Variants in VXN observed in about 807,000 individuals in gnomAD.
VXN encodes vexin.
VXN carries 7 observed loss-of-function variants against 23.1 expected under a neutral mutation model. That is an observed-to-expected ratio of 0.30 (90% CI 0.17 to 0.57). The LOEUF is 0.57. Ranked by LOEUF, VXN falls within the 20% of genes least tolerant of loss-of-function variation. VXN has a pLI of 0.91. For synonymous variants in VXN, 120 were observed against 105.8 expected, an observed-to-expected ratio of 1.13 and a Z score of -0.83; for missense variants, 238 against 272.6, an observed-to-expected ratio of 0.87 and a Z score of 0.89.
intron 2 of VXN, among the ~76,000 whole-genome samples, chr8:66,500,612 T>C (rs1373581347): frequency 1.3e-5 from 2 of 152,222 alleles, no homozygotes; most frequent in African/African-American, 4.8e-5. Context: ...TTTGGGCTTC[T>C]AATGATAGCA....
chr8:66,513,753 C>A (rs750101651), intron 5 of VXN, 116 bp downstream of exon 5: 5 of 715,680 alleles, frequency 7.0e-6, no homozygotes, highest in Non-Finnish European at 1.2e-5. Context: ...CAACACAAAC[C>A]CATGCCAGCT....
intron 4 of VXN, among the ~76,000 whole-genome samples, chr8:66,512,887 G>A (rs945617937): frequency 3.9e-5 from 6 of 152,212 alleles, no homozygotes; most frequent in African/African-American, 1.2e-4. Flanking sequence ...GCCGAGCTGC[G>A]TAGATAGAGG....
chr8:66,495,982 TTTTG>T (rs1410311683), intron 1 of VXN, among the ~76,000 whole-genome samples: 2 of 152,202 alleles, frequency 1.3e-5, no homozygotes, highest in Non-Finnish European at 2.9e-5. Context: ...TTTTTTGTCC[TTTTG>T]TTTGTTTGTT....
chr8:66,510,161 A>G lies in VXN; in HGVS notation c.342+4A>G. On this transcript the variant is annotated splice_donor_region_variant and intron_variant, in intron 4 of 5. Coordinates refer to ENST00000305454, the MANE Select transcript of VXN (RefSeq NM_152765.4). The stretch of plus-strand genomic sequence containing the variant: ...TCGAGCATATGGAAAATCTCTGGTA[A>G]GTAAAATAAGCCTGCTTAGTTGTAT... 1 of 1,610,120 alleles carries G rather than the reference A, an allele frequency of 6.2e-7. No individual in the cohort carries two copies. The highest frequency in any genetic ancestry group is 8.5e-7 in the Non-Finnish European group (1 of 1,177,648).
Position 66,516,159 on chromosome 8 carries a change from C to A in VXN, c.*83C>A, listed in dbSNP as rs949990958. The A allele has an allele frequency of 1.3e-5, 17 of 1,271,304 alleles. No individual in the cohort carries two copies. The highest frequency in any genetic ancestry group is 3.0e-5 in the South Asian group (2 of 66,052). 78.8% of individuals were successfully genotyped at this position (1,271,304 alleles called of 1,614,324 possible). ...CCTTCAGGATTGAAACTGAGCCACA[C>A]GCACCTCTGCTAGTAGCTGGTCCAA... On this transcript the variant is annotated 3_prime_UTR_variant, in exon 6 of 6. Coordinates refer to ENST00000305454, the MANE Select transcript of VXN (RefSeq NM_152765.4).
chr8:66,495,125 A>G (rs1467364819), intron 1 of VXN: 1 of 152,238 alleles, frequency 6.6e-6, no homozygotes, highest in Non-Finnish European at 1.5e-5. Context: ...AGAAAGATAC[A>G]GATAAAATTA....
intron 4 of VXN, among the ~76,000 whole-genome samples, chr8:66,513,019 G>A (rs1047169436): frequency 1.3e-5 from 2 of 152,206 alleles, no homozygotes; most frequent in Non-Finnish European, 2.9e-5. Context: ...GGAATGTGGT[G>A]GATCTGGTCG....
chr8:66,509,614 T>G (rs1365248310), intron 3 of VXN, among the ~76,000 whole-genome samples: 1 of 152,194 alleles, frequency 6.6e-6, no homozygotes, highest in African/African-American at 2.4e-5. Flanking sequence ...TAATCTCTTG[T>G]GATCTGAGGC....
intron 3 of VXN, among the ~76,000 whole-genome samples, chr8:66,508,287 C>T (rs1807781905): frequency 6.6e-6 from 1 of 152,134 alleles, no homozygotes; most frequent in Admixed American, 6.5e-5. Context: ...ACCCTGGCTC[C>T]CACTCCCTTC....
chr8:66,502,788 C>A (rs1309686657), intron 2 of VXN, among the ~76,000 whole-genome samples: 1 of 151,396 alleles, frequency 6.6e-6, no homozygotes, highest in African/African-American at 2.4e-5. Flanking sequence ...AAAAGAAATG[C>A]ACAGAGCAAC....
intron 3 of VXN, among the ~76,000 whole-genome samples, chr8:66,508,507 C>T (rs886092978): frequency 6.6e-6 from 1 of 152,198 alleles, no homozygotes; most frequent in Non-Finnish European, 1.5e-5. Flanking sequence ...CGTTCTATCA[C>T]GTAGAACAGC....
intron 2 of VXN, among the ~76,000 whole-genome samples, chr8:66,504,899 AGGTCTTC>A (rs960943250): frequency 6.6e-6 from 1 of 152,226 alleles, no homozygotes; most frequent in Non-Finnish European, 1.5e-5. Context: ...CCCTCTCCCT[AGGTCTTC>A]GCTCTGCTAG....
chr8:66,516,937 C>T lies in VXN; in HGVS notation c.*861C>T, dbSNP rs1302304863. The T allele has an allele frequency of 6.6e-6, 1 of 152,170 alleles. No individual in the cohort carries two copies. Among genetic ancestry groups the T allele is most frequent in the Non-Finnish European group, 1.5e-5 (1 of 68,022 alleles). The allele number at this position is 152,170 out of a possible 1,614,324, so 9.4% of individuals were successfully genotyped here. On this transcript the variant is annotated 3_prime_UTR_variant, in exon 6 of 6. Coordinates refer to ENST00000305454, the MANE Select transcript of VXN (RefSeq NM_152765.4). ...CCTTAACTTCTCTCCAGTGGACTCC[C>T]TGCTTTGCCTACTCTCTAGCAACTG...
At position 66,505,532 on chromosome 8, in the gene VXN, C is replaced by G; in HGVS notation, c.280+4C>G. Reference sequence around the variant, plus strand: ...GCCAAAGCCTCTGCCAGACCCGGTACGTGAGTCCCGGCCCCAGCTCCCCGC... The same window carrying G: ...GCCAAAGCCTCTGCCAGACCCGGTAGGTGAGTCCCGGCCCCAGCTCCCCGC... On this transcript the variant is annotated splice_donor_region_variant and intron_variant, in intron 3 of 5. Coordinates refer to ENST00000305454, the MANE Select transcript of VXN (RefSeq NM_152765.4). The G allele has an allele frequency of 6.7e-7, 1 of 1,492,290 alleles. No homozygotes were observed. Among genetic ancestry groups the G allele is most frequent in the Non-Finnish European group, 8.9e-7 (1 of 1,125,036 alleles). The allele number at this position is 1,492,290 out of a possible 1,614,324, so 92.4% of individuals were successfully genotyped here. A position where few individuals can be genotyped will look rare whatever the true frequency, so the allele number is the denominator to read the frequency against.
At chr8:66,513,944 A>G (rs1406421312) in intron 5 of VXN, 2 of 310,384 alleles carry the variant, frequency 6.4e-6, no homozygotes, top group East Asian at 1.6e-4. Flanking sequence ...CACGAGCCAT[A>G]TTCAGAACCT....
intron 2 of VXN, among the ~76,000 whole-genome samples, chr8:66,499,134 T>C (rs775435643): frequency 8.0e-5 from 12 of 150,848 alleles, no homozygotes; most frequent in Non-Finnish European, 1.6e-4. Flanking sequence ...TATTTTTTTC[T>C]CTTTTTTTTT....
At chr8:66,515,104 G>A (rs1308002811) in intron 5 of VXN, among the ~76,000 whole-genome samples, 1 of 152,144 alleles carries the variant, frequency 6.6e-6, no homozygotes, top group Non-Finnish European at 1.5e-5. Flanking sequence ...CCTTAATGAG[G>A]TACAATTTTT....
chr8:66,497,566 A>G (rs150490625), intron 2 of VXN, among the ~76,000 whole-genome samples: 2 of 152,354 alleles, frequency 1.3e-5, no homozygotes, highest in Admixed American at 1.3e-4. Flanking sequence ...CCCATTTTAT[A>G]TATAAATTTC....
In VXN at chr8:66,505,545, C is replaced by G. The variant is rs759565696; in HGVS notation, c.280+17C>G. ...CCAGACCCGGTACGTGAGTCCCGGC[C>G]CCAGCTCCCCGCACCTCCCTGGGCG... On this transcript the variant is annotated intron_variant, in intron 3 of 5. Transcript: ENST00000305454. The G allele has an allele frequency of 2.0e-6, 3 of 1,469,294 alleles. No individual in the cohort carries two copies. The African/African-American group carries it at 4.2e-5, about 21-fold the overall frequency. 91.0% of individuals were successfully genotyped at this position (1,469,294 alleles called of 1,614,324 possible). A position where few individuals can be genotyped will look rare whatever the true frequency, so the allele number is the denominator to read the frequency against.
Sources: allele counts gnomAD v4.1 joint callset (sites outside exome capture counted in the v4.1 genomes callset), GRCh38; gene constraint gnomAD v4.1.1; transcripts MANE v1.5; gene names NCBI Gene and HGNC (gene_info 2026-07-23, HGNC 2026-07-21).